Variants in CEP63 observed in about 807,000 individuals in gnomAD.
The protein encoded by CEP63 is centrosomal protein of 63 kDa.
CEP63 carries 84 observed loss-of-function variants against 89.1 expected under a neutral mutation model. The ratio of observed to expected loss-of-function variants is 0.94; its 90% CI spans 0.79 to 1.13. CEP63 has a LOEUF of 1.13. Among genes scored for constraint, CEP63 ranks in the 50% most tolerant of loss-of-function variants. The pLI is 0.00. For missense variants in CEP63, 838 were observed against 813.3 expected, an observed-to-expected ratio of 1.03 and a Z score of -0.37; for synonymous variants, 267 against 272.5, an observed-to-expected ratio of 0.98 and a Z score of 0.20.
chr3:134,519,413 C>T (rs1015781517), intron 3 of CEP63, among the ~76,000 whole-genome samples: 7 of 151,862 alleles, frequency 4.6e-5, no homozygotes, highest in African/African-American at 1.5e-4. Flanking sequence ...GGATTACAGG[C>T]GTGAGCCACC....
the CEP63 span, among the ~76,000 whole-genome samples, chr3:134,638,083 G>A: frequency 1.1e-4 from 16 of 152,130 alleles, no homozygotes; most frequent in Admixed American, 2.0e-4. Context: ...CCACTTTCTC[G>A]TCCTCCCTGA....
chr3:134,624,363 C>T, the CEP63 span, among the ~76,000 whole-genome samples: 34 of 152,232 alleles, frequency 2.2e-4, no homozygotes, highest in Non-Finnish European at 3.5e-4. Flanking sequence ...TTGATCCATG[C>T]ACTCACCATC....
chr3:134,517,275 A>T (rs1316758601), intron 3 of CEP63, among the ~76,000 whole-genome samples: 3 of 152,312 alleles, frequency 2.0e-5, no homozygotes, highest in African/African-American at 7.2e-5. Flanking sequence ...ATGTCTGCGT[A>T]TCTAATGTGT....
chr3:134,545,482 C>A, intron 6 of CEP63, 104 bp from the exon 7 acceptor site: 1 of 845,552 alleles, frequency 1.2e-6, no homozygotes, highest in Non-Finnish European at 2.0e-6. Context: ...TTTAGTGAGC[C>A]AATGCTTTAT....
intron 2 of CEP63, among the ~76,000 whole-genome samples, chr3:134,505,570 G>C (rs1208348756): frequency 6.6e-6 from 1 of 152,178 alleles, no homozygotes; most frequent in Non-Finnish European, 1.5e-5. Flanking sequence ...ATAGTAGCAG[G>C]CAGGGCAGAT....
chr3:134,766,570 G>A, the CEP63 span, among the ~76,000 whole-genome samples: 1 of 152,204 alleles, frequency 6.6e-6, no homozygotes, highest in Non-Finnish European at 1.5e-5. Context: ...CTATCCACCT[G>A]CCTGCCCACT....
chr3:134,638,273 G>A, the CEP63 span, among the ~76,000 whole-genome samples: 4 of 152,152 alleles, frequency 2.6e-5, no homozygotes, highest in East Asian at 3.9e-4. Flanking sequence ...TGGCTATGAC[G>A]CTACTGGATC....
chr3:134,507,371 A>C, intron 3 of CEP63, 85 bp downstream of exon 3: 1 of 1,042,458 alleles, frequency 9.6e-7, no homozygotes, highest in Non-Finnish European at 1.4e-6. Flanking sequence ...TGTTGAAGAA[A>C]GAATTTGTAT....
the CEP63 span, among the ~76,000 whole-genome samples, chr3:134,642,295 G>A: frequency 7.2e-5 from 11 of 152,188 alleles, no homozygotes; most frequent in African/African-American, 2.4e-4. Flanking sequence ...GGGCATGGGG[G>A]AAATCACTGC....
At chr3:134,489,559 G>A (rs780955386) in intron 1 of CEP63, among the ~76,000 whole-genome samples, 19 of 152,148 alleles carry the variant, frequency 1.2e-4, no homozygotes, top group Non-Finnish European at 2.5e-4. Flanking sequence ...TCACTTAGTG[G>A]TGAAGTCCTT....
the CEP63 span, among the ~76,000 whole-genome samples, chr3:134,683,590 C>A: frequency 1.8e-3 from 267 of 152,232 alleles, no homozygotes; most frequent in African/African-American, 6.2e-3. Context: ...GTGGTTAAGT[C>A]AAAAATCAAG....
chr3:134,486,599 A>G, intron 1 of CEP63: 1 of 888,512 alleles, frequency 1.1e-6, no homozygotes, highest in Non-Finnish European at 1.3e-6. Flanking sequence ...TCCCCGGCGG[A>G]CCCACCTTCC....
At chr3:134,566,323 TTAATAA>T (rs972126604), downstream of CEP63, among the ~76,000 whole-genome samples, 1 of 152,256 alleles carries the variant, frequency 6.6e-6, no homozygotes, top group Middle Eastern at 3.4e-3. Flanking sequence ...TTTATTAATG[TTAATAA>T]TAGTAATATA....
intron 2 of CEP63, among the ~76,000 whole-genome samples, chr3:134,503,665 G>T (rs9815983): frequency 0.66 from 100,098 of 151,892 alleles, 33,368 homozygotes; most frequent in East Asian, 0.81. Flanking sequence ...AATAATATTT[G>T]CTTCATATGT....
intron 3 of CEP63, among the ~76,000 whole-genome samples, chr3:134,516,952 G>A (rs1169796157): frequency 3.9e-5 from 6 of 152,136 alleles, no homozygotes; most frequent in African/African-American, 1.4e-4. Flanking sequence ...GTGTTGAGGA[G>A]TTAATACTCT....
the CEP63 span, among the ~76,000 whole-genome samples, chr3:134,740,458 C>T: frequency 4.6e-5 from 7 of 151,910 alleles, no homozygotes; most frequent in South Asian, 2.1e-4. Flanking sequence ...TTACTATGCC[C>T]GGCTAATTTT....
chr3:134,602,128 G>A, the CEP63 span, among the ~76,000 whole-genome samples: 2 of 152,192 alleles, frequency 1.3e-5, no homozygotes, highest in Non-Finnish European at 2.9e-5. Flanking sequence ...CTGGCTCTCA[G>A]GGGTTGGGGG....
At chr3:134,635,179 C>T in the CEP63 span, among the ~76,000 whole-genome samples, 344 of 152,296 alleles carry the variant, frequency 2.3e-3, 2 homozygotes, top group Non-Finnish European at 3.0e-3. Context: ...AATGGATAAA[C>T]AACCTGTGGT....
chr3:134,680,131 C>T, the CEP63 span, among the ~76,000 whole-genome samples: 2 of 152,148 alleles, frequency 1.3e-5, no homozygotes, highest in Non-Finnish European at 2.9e-5. Flanking sequence ...CAAGCCAAGG[C>T]GAGAGGCTTC....
Sources: gnomAD v4.1 joint callset for allele counts (sites outside exome capture counted in the v4.1 genomes callset) on GRCh38, gnomAD v4.1.1 for gene constraint, MANE v1.5 for transcripts, NCBI Gene and HGNC (gene_info 2026-07-23, HGNC 2026-07-21) for gene names.